The following ATG4A variants were observed in gnomAD, a reference collection of about 807,000 sequenced individuals.
ATG4A encodes cysteine protease ATG4A.
ATG4A carries 22 observed loss-of-function variants against 38.4 expected under a neutral mutation model. That is an observed-to-expected ratio of 0.57 (90% confidence interval 0.41 to 0.82). The LOEUF (loss-of-function observed/expected upper bound fraction) is 0.82, where lower values mean the gene tolerates loss of function less well. Ranked by LOEUF, ATG4A falls within the 40% of genes least tolerant of loss-of-function variation. ATG4A has a pLI of 0.00. For synonymous variants in ATG4A, 86 were observed against 100.7 expected, an observed-to-expected ratio of 0.85 and a Z score of 0.88; for missense variants, 220 against 290.0, an observed-to-expected ratio of 0.76 and a Z score of 1.75.
chrX:108,139,677 C>G (rs1170543721), intron 9 of ATG4A, among the ~76,000 whole-genome samples: 1 of 112,716 alleles, frequency 8.9e-6, no homozygotes, highest in African/African-American at 3.2e-5. Flanking sequence ...GAAAATGTTG[C>G]AAAAAATAGA....
chrX:108,130,948 G>C (rs1275947808), intron 3 of ATG4A, among the ~76,000 whole-genome samples: 2 of 111,494 alleles, frequency 1.8e-5, no homozygotes, highest in African/African-American at 6.5e-5. Context: ...CTAAGGGTTG[G>C]TATTCATACA....
chrX:108,134,791 C>T (rs1178134194), intron 6 of ATG4A, among the ~76,000 whole-genome samples: 1 of 111,799 alleles, frequency 8.9e-6, no homozygotes, highest in Non-Finnish European at 1.9e-5. Flanking sequence ...CCCCACAGGG[C>T]TCCCACATGC....
At chrX:108,145,071 T>A (rs907203796) in intron 9 of ATG4A, among the ~76,000 whole-genome samples, 9 of 112,237 alleles carry the variant, frequency 8.0e-5, no homozygotes, top group African/African-American at 2.9e-4. Flanking sequence ...AAAGAATATC[T>A]TGACAGGCCC....
intron 2 of ATG4A, chrX:108,126,789 A>T: frequency 1.0e-6 from 1 of 979,113 alleles, no homozygotes; most frequent in Non-Finnish European, 1.3e-6. Flanking sequence ...TTACATTCTT[A>T]TAGATTGGGA....
intron 1 of ATG4A, among the ~76,000 whole-genome samples, chrX:108,104,639 A>G (rs1320211381): frequency 9.0e-6 from 1 of 111,616 alleles, no homozygotes; most frequent in Non-Finnish European, 1.9e-5. Context: ...CTTTGGGTTC[A>G]TCCTACATGG....
rs1403362535 is a variant in ATG4A, at chrX:108,112,546, T to C, written c.11-13531T>C. ...AGCTGGGATTACAGGCGCCCGGCACTACGCCCGGCTAATTTTTTTTTGTAT... is the reference window on the plus strand; with the variant it reads ...AGCTGGGATTACAGGCGCCCGGCACCACGCCCGGCTAATTTTTTTTTGTAT... On this transcript the variant is annotated intron_variant, in intron 1 of 12. Transcript: ENST00000372232. Among the ~76,000 whole-genome samples, 6 of 109,823 alleles carry C rather than the reference T, an allele frequency of 5.5e-5. No homozygotes were observed. In the South Asian group the frequency reaches 2.4e-3, roughly 44 times the overall value.
At chrX:108,099,790 A>G (rs759070924) in intron 1 of ATG4A, among the ~76,000 whole-genome samples, 2 of 111,636 alleles carry the variant, frequency 1.8e-5, no homozygotes, top group African/African-American at 3.3e-5. Flanking sequence ...GTACTTGTGT[A>G]TATCTATTTC....
At chrX:108,148,519 CA>C in intron 9 of ATG4A, among the ~76,000 whole-genome samples, 1 of 33,800 alleles carries the variant, frequency 3.0e-5, no homozygotes, top group African/African-American at 1.4e-4. Flanking sequence ...CATGCACATA[CA>C]CACACACACA....
At chrX:108,091,515 C>A, upstream of ATG4A, 2 of 1,209,583 alleles carry the variant, frequency 1.7e-6, no homozygotes, top group Non-Finnish European at 2.2e-6. Flanking sequence ...ACACACACCC[C>A]TCCATTTCGC....
intron 9 of ATG4A, among the ~76,000 whole-genome samples, chrX:108,142,444 G>A (rs750133336): frequency 9.2e-6 from 1 of 108,648 alleles, no homozygotes; most frequent in South Asian, 4.1e-4. Flanking sequence ...CAGAACTAAT[G>A]GAATATATAT....
At chrX:108,091,506 C>A, upstream of ATG4A, 1 of 1,211,045 alleles carries the variant, frequency 8.3e-7, no homozygotes, top group Admixed American at 2.2e-5. Flanking sequence ...TTAGGTTAGA[C>A]ACACACCCCT....
chrX:108,137,038 T>A, intron 6 of ATG4A, 53 bp from the exon 7 acceptor site: 1 of 1,043,579 alleles, frequency 9.6e-7, no homozygotes, highest in Non-Finnish European at 1.3e-6. Flanking sequence ...TACTGTTTTC[T>A]GCTGATATTT....
intron 1 of ATG4A, among the ~76,000 whole-genome samples, chrX:108,101,601 G>A (rs1441349017): frequency 2.8e-5 from 3 of 108,974 alleles, no homozygotes; most frequent in Non-Finnish European, 3.8e-5. Context: ...CATAGCAGGA[G>A]ATTTAGTTCT....
chrX:108,141,023 T>G (rs1324793147), intron 9 of ATG4A, among the ~76,000 whole-genome samples: 1 of 83,110 alleles, frequency 1.2e-5, no homozygotes, highest in Non-Finnish European at 2.2e-5. Context: ...TATATACACA[T>G]ATATATACAT....
rs1330795369 is a variant in ATG4A, at chrX:108,134,038, A to G, written c.293-19A>G. ...ACAGTTATAAAAATGTTTCTAACCCATTTTTTTTTCTTAAAAAGACTGGAG... is the reference window on the plus strand; with the variant it reads ...ACAGTTATAAAAATGTTTCTAACCCGTTTTTTTTTCTTAAAAAGACTGGAG... On this transcript the variant is annotated intron_variant, in intron 4 of 12. Transcript: ENST00000372232. 2.7e-6 allele frequency: 3 copies of G among 1,114,178 alleles called. No homozygotes were observed. Among genetic ancestry groups the G allele is most frequent in the Non-Finnish European group, 3.6e-6 (3 of 829,160 alleles). 91.8% of individuals were successfully genotyped at this position (1,114,178 alleles called of 1,213,427 possible). A position where few individuals can be genotyped will look rare whatever the true frequency, so the allele number is the denominator to read the frequency against.
At chrX:108,150,952 A>G (rs1262209927) in intron 10 of ATG4A, among the ~76,000 whole-genome samples, 1 of 112,407 alleles carries the variant, frequency 8.9e-6, no homozygotes, top group Non-Finnish European at 1.9e-5. Context: ...ATGGGGTTGT[A>G]TGAGGTGCAA....
intron 1 of ATG4A, among the ~76,000 whole-genome samples, chrX:108,102,549 A>G (rs751527065): frequency 1.8e-5 from 2 of 111,829 alleles, no homozygotes; most frequent in South Asian, 7.4e-4. Flanking sequence ...AGTTTGAGGT[A>G]GTACCACTTG....
intron 12 of ATG4A, 109 bp downstream of exon 12, chrX:108,153,196 C>A: frequency 1.9e-6 from 1 of 522,972 alleles, no homozygotes; most frequent in Non-Finnish European, 3.1e-6. Context: ...AATTTCTACT[C>A]AGCTGGAGTG....
At position 108,141,081 on chromosome X, in the gene ATG4A, T is replaced by C. The variant is rs867961549; in HGVS notation, c.814+2890T>C. On this transcript the variant is annotated intron_variant, in intron 9 of 12. Coordinates refer to ENST00000372232, the MANE Select transcript of ATG4A (RefSeq NM_052936.5). ...ACGTGTATATATATACATATATATA[T>C]ATATATATATATATATATATATATA... Among the ~76,000 whole-genome samples, 366 of 71,932 alleles carry C rather than the reference T, an allele frequency of 5.1e-3. 10 individuals carry two copies. Among genetic ancestry groups the C allele is most frequent in the African/African-American group, 0.018 (344 of 19,050 alleles). The allele number at this position is 71,932 out of a possible 115,157, so 62.5% of individuals were successfully genotyped here. A position where few individuals can be genotyped will look rare whatever the true frequency, so the allele number is the denominator to read the frequency against.
Sources: allele counts gnomAD v4.1 joint callset (sites outside exome capture counted in the v4.1 genomes callset), GRCh38; gene constraint gnomAD v4.1.1; transcripts MANE v1.5; gene names NCBI Gene and HGNC (gene_info 2026-07-23, HGNC 2026-07-21).